The following IQCM variants were observed in gnomAD, a reference collection of about 807,000 sequenced individuals.
IQCM encodes the protein IQ motif containing M.
IQCM carries 45 observed loss-of-function variants against 57.6 expected under a neutral mutation model. That is an observed-to-expected ratio of 0.78 (90% CI 0.62 to 1.00). The LOEUF is 1.00. IQCM is among the 50% of genes least tolerant of loss of function. IQCM has a pLI of 0.00. For synonymous variants in IQCM, 148 were observed against 158.9 expected (o/e 0.93, Z 0.51); for missense variants, 468 against 511.6 (o/e 0.91, Z 0.82).
chr4:149,789,515 A>G (rs938620632), intron 2 of IQCM, among the ~76,000 whole-genome samples: 1 of 152,172 alleles, frequency 6.6e-6, no homozygotes, highest in Non-Finnish European at 1.5e-5. Context: ...CCAGACAAAT[A>G]TTATGAATAC....
chr4:149,363,758 T>A (rs1350329273), intron 13 of IQCM, among the ~76,000 whole-genome samples: 1 of 152,188 alleles, frequency 6.6e-6, no homozygotes, highest in African/African-American at 2.4e-5. Flanking sequence ...GTTTTAATAA[T>A]CTGCAAACAT....
At chr4:149,622,385 C>T (rs1204067668) in intron 7 of IQCM, among the ~76,000 whole-genome samples, 2 of 151,596 alleles carry the variant, frequency 1.3e-5, no homozygotes, top group African/African-American at 2.4e-5. Flanking sequence ...CTCTTTCCCC[C>T]AGGCTGGAGT....
chr4:149,579,644 G>A (rs1306108869), intron 9 of IQCM, among the ~76,000 whole-genome samples: 1 of 151,912 alleles, frequency 6.6e-6, no homozygotes, highest in South Asian at 2.1e-4. Context: ...CTTTGCATAA[G>A]AGGCAATTGC....
At chr4:149,410,396 C>T (rs1361334908) in intron 13 of IQCM, among the ~76,000 whole-genome samples, 1 of 150,926 alleles carries the variant, frequency 6.6e-6, no homozygotes, top group Non-Finnish European at 1.5e-5. Context: ...GGAGATTGTT[C>T]CACAAATATA....
chr4:149,593,295 C>T (rs1302907727), intron 8 of IQCM, among the ~76,000 whole-genome samples: 10 of 152,012 alleles, frequency 6.6e-5, no homozygotes, highest in Non-Finnish European at 1.2e-4. Flanking sequence ...GTGATTTTTG[C>T]ACATTGATTT....
intron 2 of IQCM, among the ~76,000 whole-genome samples, chr4:149,759,368 A>G (rs1272621178): frequency 1.3e-5 from 2 of 152,198 alleles, no homozygotes; most frequent in Non-Finnish European, 2.9e-5. Flanking sequence ...CATAGAATGT[A>G]TAACACCAAG....
intron 8 of IQCM, among the ~76,000 whole-genome samples, chr4:149,601,141 A>G (rs1173563250): frequency 2.0e-5 from 3 of 152,198 alleles, no homozygotes; most frequent in African/African-American, 7.2e-5. Context: ...AGTGTTTCTC[A>G]AACTTTAAAG....
At chr4:149,454,872 G>A (rs1006172891) in intron 12 of IQCM, among the ~76,000 whole-genome samples, 1 of 151,914 alleles carries the variant, frequency 6.6e-6, no homozygotes, top group Admixed American at 6.6e-5. Flanking sequence ...GCAGGGTAGG[G>A]GATGGGGAGT....
At chr4:149,671,281 T>C (rs1328595526) in intron 7 of IQCM, among the ~76,000 whole-genome samples, 7 of 152,210 alleles carry the variant, frequency 4.6e-5, no homozygotes, top group Admixed American at 6.5e-5. Context: ...GAGATGTTTA[T>C]AGTATTCTCT....
intron 8 of IQCM, among the ~76,000 whole-genome samples, chr4:149,597,645 C>G (rs1478111061): frequency 2.6e-5 from 4 of 152,152 alleles, no homozygotes; most frequent in Non-Finnish European, 4.4e-5. Context: ...CCTGCCTCAG[C>G]CTCCCAAAGT....
chr4:149,568,906 A>C (rs1283188804), intron 9 of IQCM, among the ~76,000 whole-genome samples: 2 of 152,204 alleles, frequency 1.3e-5, no homozygotes, highest in South Asian at 4.1e-4. Flanking sequence ...AGCCCTACTC[A>C]TCAAGAGGTG....
intron 7 of IQCM, among the ~76,000 whole-genome samples, chr4:149,622,023 A>G (rs1169057965): frequency 6.6e-6 from 1 of 152,212 alleles, no homozygotes; most frequent in African/African-American, 2.4e-5. Context: ...AAAGTCATCC[A>G]TGGACTGCTT....
chr4:149,413,672 A>G (rs1733549305), intron 13 of IQCM, among the ~76,000 whole-genome samples: 1 of 152,240 alleles, frequency 6.6e-6, no homozygotes. Context: ...GTGAGTGTTC[A>G]TTACATGTCT....
At chr4:149,573,976 C>G (rs1332547043) in intron 9 of IQCM, among the ~76,000 whole-genome samples, 1 of 151,818 alleles carries the variant, frequency 6.6e-6, no homozygotes, top group Admixed American at 6.6e-5. Flanking sequence ...GTTAGGATGA[C>G]TTGGGTAACC....
intron 5 of IQCM, among the ~76,000 whole-genome samples, chr4:149,717,618 T>G (rs1400280082): frequency 6.6e-6 from 1 of 152,208 alleles, no homozygotes. Context: ...TAACTTTGCT[T>G]GATTTACTAA....
intron 5 of IQCM, among the ~76,000 whole-genome samples, chr4:149,724,605 T>G (rs1765730205): frequency 1.3e-5 from 2 of 151,944 alleles, no homozygotes; most frequent in Admixed American, 1.3e-4. Flanking sequence ...CACACACTCA[T>G]ACATATTTTT....
intron 6 of IQCM, among the ~76,000 whole-genome samples, chr4:149,686,002 A>G (rs1266989291): frequency 6.6e-6 from 1 of 151,556 alleles, no homozygotes; most frequent in Non-Finnish European, 1.5e-5. Context: ...TATTAGATTT[A>G]GAAAGGAAAA....
intron 12 of IQCM, among the ~76,000 whole-genome samples, chr4:149,524,574 G>A (rs1474754201): frequency 6.6e-6 from 1 of 151,788 alleles, no homozygotes; most frequent in African/African-American, 2.4e-5. Flanking sequence ...ATTGTAAAGG[G>A]AGAACAACTA....
At chr4:149,516,703 C>T (rs550229395) in intron 12 of IQCM, among the ~76,000 whole-genome samples, 5 of 152,168 alleles carry the variant, frequency 3.3e-5, no homozygotes, top group Non-Finnish European at 7.4e-5. Context: ...ACCATCACCC[C>T]TAGTGATTCA....
Sources: gnomAD v4.1 joint callset for allele counts (sites outside exome capture counted in the v4.1 genomes callset) on GRCh38, gnomAD v4.1.1 for gene constraint, MANE v1.5 for transcripts, NCBI Gene and HGNC (gene_info 2026-07-23, HGNC 2026-07-21) for gene names.